Variants in PCNX3 observed in about 807,000 individuals in gnomAD.
The protein encoded by PCNX3 is pecanex 3.
PCNX3 carries 58 observed loss-of-function variants against 207.2 expected under a neutral mutation model. The ratio of observed to expected loss-of-function variants is 0.28; its 90% confidence interval spans 0.23 to 0.35. The LOEUF (loss-of-function observed/expected upper bound fraction) is 0.35. PCNX3 is among the 10% of genes least tolerant of loss of function. PCNX3 has a pLI of 1.00. For synonymous variants in PCNX3, 1,337 were observed against 1,183.5 expected, an observed-to-expected ratio of 1.13 and a Z score of -2.66; for missense variants, 2,410 against 2,774.4, an observed-to-expected ratio of 0.87 and a Z score of 2.95.
rs202094085 is a variant in PCNX3 at position 65,625,631 on chromosome 11, A to G, written c.3136-21A>G. On this transcript the variant is annotated intron_variant, in intron 18 of 34. Coordinates refer to ENST00000355703, the MANE Select transcript of PCNX3 (RefSeq NM_032223.4). The surrounding 1 kb of genome is among the most constrained non-coding windows in gnomAD (Gnocchi z 5.6). The stretch of plus-strand genomic sequence containing the variant: ...GTGTCTCTCCTGGCCGGGCAGCTGA[A>G]TGTCTCTCCTGGCCCTGCAGCGTGA... 1 of 1,604,954 alleles carries G rather than the reference A, an allele frequency of 6.2e-7. No individual in the cohort carries two copies. Among genetic ancestry groups the G allele is most frequent in the East Asian group, 2.2e-5 (1 of 44,768 alleles).
chr11:65,630,296 CAG>C (rs144247658), intron 26 of PCNX3, 53 bp from the exon 27 acceptor site: 48 of 1,576,000 alleles, frequency 3.0e-5, no homozygotes, highest in Non-Finnish European at 4.1e-5. Flanking sequence ...TCTCCCAGGA[CAG>C]GGCAGGTAGG....
intron 2 of PCNX3, 47 bp from the exon 3 acceptor site, chr11:65,617,203 C>T: frequency 1.3e-6 from 2 of 1,526,694 alleles, no homozygotes; most frequent in South Asian, 1.2e-5. Flanking sequence ...AAGTAGCATA[C>T]ACAGAGGAGA....
chr11:65,620,273 C>T, intron 8 of PCNX3, 66 bp from the exon 9 acceptor site: 1 of 1,475,226 alleles, frequency 6.8e-7, no homozygotes, highest in South Asian at 1.3e-5. Flanking sequence ...GTCTGGTGCC[C>T]ACGTGAGCCG....
Position 65,617,774 on chromosome 11 carries a change from C to T in PCNX3, c.577+68C>T, listed in dbSNP as rs140684670. The T allele has an allele frequency of 1.3e-4, 193 of 1,526,990 alleles. No individual in the cohort carries two copies. The African/African-American group carries it at 2.4e-3, about 19-fold the overall frequency. 94.6% of individuals were successfully genotyped at this position (1,526,990 alleles called of 1,614,324 possible). A position where few individuals can be genotyped will look rare whatever the true frequency, so the allele number is the denominator to read the frequency against. On this transcript the variant is annotated intron_variant, in intron 5 of 34. Transcript: ENST00000355703. The stretch of plus-strand genomic sequence containing the variant: ...CTGTTTCGTTGTTGAATCCCCTCAA[C>T]TTTGGCTCCATCCTGGGTCTCCTCT...
In PCNX3 at chr11:65,634,205, C is replaced by T. The variant is rs1403645777; in HGVS notation, c.4550C>T (p.Pro1517Leu). 1 of 1,613,558 alleles carries T rather than the reference C, an allele frequency of 6.2e-7. No homozygotes were observed. Among genetic ancestry groups the T allele is most frequent in the Admixed American group, 1.7e-5 (1 of 60,006 alleles). Residue 1517 changes from proline to leucine, a missense_variant, in exon 28 of 35, where the codon CCT (proline) becomes CTT (leucine). Around this residue, in one of 8 missense-constraint regions of PCNX3, gnomAD observed 420 missense variants for 705.3 expected, o/e 0.60. Coordinates refer to ENST00000355703, the MANE Select transcript of PCNX3 (RefSeq NM_032223.4). ...SHEGITAALRPVRVPGYADSD... is the reference protein window; with the variant it reads ...SHEGITAALRLVRVPGYADSD... Reference sequence around the variant, plus strand: ...GAGGGCATCACGGCAGCCCTGAGGCCTGTGCGGGTGCCCGGCTATGCCGAC... The same window carrying T: ...GAGGGCATCACGGCAGCCCTGAGGCTTGTGCGGGTGCCCGGCTATGCCGAC...
rs750980552 is a variant in PCNX3 at position 65,618,412 on chromosome 11, C to T, written c.1050C>T (p.Asp350=). The change falls in exon 6 of 35, where the codon GAC becomes GAT. Residue 350 remains aspartate, a synonymous_variant. Transcript: ENST00000355703. ...PSEAELPASP[D]AGVPSDDTLR... is the part of the protein sequence containing the mutation. ...AGGCTGAGCTGCCTGCCTCACCAGACGCCGGGGTCCCCTCAGATGACACGC... is the reference window on the plus strand; with the variant it reads ...AGGCTGAGCTGCCTGCCTCACCAGATGCCGGGGTCCCCTCAGATGACACGC... 33 of 1,612,492 alleles carry T rather than the reference C, an allele frequency of 2.0e-5. No individual in the cohort carries two copies. The highest frequency in any genetic ancestry group is 6.6e-5 in the South Asian group (6 of 91,066).
chr11:65,634,425 C>A, intron 28 of PCNX3, 69 bp downstream of exon 28: 1 of 1,509,878 alleles, frequency 6.6e-7, no homozygotes, highest in Non-Finnish European at 8.9e-7. Flanking sequence ...CCCCTTCTCC[C>A]CATTTGGTTT....
At position 65,635,159 on chromosome 11, in the gene PCNX3, G is replaced by T. The variant is rs748884540; in HGVS notation, c.4953+39G>T. On this transcript the variant is annotated intron_variant, in intron 30 of 34. Transcript: ENST00000355703. The surrounding 1 kb of genome is among the most constrained non-coding windows in gnomAD (Gnocchi z 9.9). ...GTGCCCAGCAGCATGGGCAGGTGGG[G>T]GATGAAGCCTCTCTCCAGGGCAGGG... The T allele has an allele frequency of 6.2e-7, 1 of 1,606,832 alleles. No homozygotes were observed. The highest frequency in any genetic ancestry group is 1.1e-5 in the South Asian group (1 of 90,488).
intron 21 of PCNX3, 122 bp from the exon 22 acceptor site, chr11:65,627,283 G>A (rs1406390409): frequency 1.1e-5 from 14 of 1,218,522 alleles, no homozygotes; most frequent in South Asian, 1.6e-5. Flanking sequence ...AAAGAGCAGG[G>A]ACCAGCCCAG....
chr11:65,622,274 C>G lies in PCNX3; in HGVS notation c.2265C>G (p.Pro755=). The change falls in exon 11 of 35, where the codon CCC becomes CCG. Residue 755 remains proline (P), a synonymous_variant. Coordinates refer to ENST00000355703, the MANE Select transcript of PCNX3 (RefSeq NM_032223.4). ...AGACACTGATGGAAGAAGCGCCACC[C>G]CGGGCCCAGCATAGTTACAAGTACT... ...EEQTLMEEAP[P]RAQHSYKYWL... is the part of the protein sequence containing the mutation. 6.2e-7 allele frequency: 1 copy of G among 1,602,006 alleles called. No homozygotes were observed.
chr11:65,620,882 T>C lies in PCNX3; in HGVS notation c.2151T>C (p.Ala717=). ...SSFHSADVPE[A]TGGLNLLQPR... ...TCCACTCGGCTGATGTCCCTGAGGCTACAGGCGGCCTGAACCTGCTGCAGC... is the reference window on the plus strand; with the variant it reads ...TCCACTCGGCTGATGTCCCTGAGGCCACAGGCGGCCTGAACCTGCTGCAGC... The change falls in exon 10 of 35, where the codon GCT becomes GCC. Residue 717 remains alanine (A), a synonymous_variant. Coordinates refer to ENST00000355703, the MANE Select transcript of PCNX3 (RefSeq NM_032223.4). 6.3e-7 allele frequency: 1 copy of C among 1,580,334 alleles called. No homozygotes were observed. Among genetic ancestry groups the C allele is most frequent in the Non-Finnish European group, 8.6e-7 (1 of 1,163,880 alleles).
chr11:65,618,755 C>T lies in PCNX3; in HGVS notation c.1393C>T (p.Pro465Ser), dbSNP rs770098473. 1.5e-5 allele frequency: 24 copies of T among 1,611,780 alleles called. No individual in the cohort carries two copies. In the East Asian group the frequency reaches 4.2e-4, roughly 28 times the overall value. Reference sequence around the variant, plus strand: ...GAGCTCCCGGGGTGCAGCAGGGGGACCCCGGAAGCGGAGGGCCCCCCATGG... The same window carrying T: ...GAGCTCCCGGGGTGCAGCAGGGGGATCCCGGAAGCGGAGGGCCCCCCATGG... Reference protein sequence around the residue: ...PESSRGAAGGPRKRRAPHGAE... With the variant: ...PESSRGAAGGSRKRRAPHGAE... The change falls in exon 6 of 35, where the codon CCC becomes TCC. Residue 465 changes from proline (P) to serine (S), a missense_variant. Coordinates refer to ENST00000355703, the MANE Select transcript of PCNX3 (RefSeq NM_032223.4).
intron 27 of PCNX3, among the ~76,000 whole-genome samples, chr11:65,633,651 T>C (rs1421839569): frequency 6.6e-6 from 1 of 152,168 alleles, no homozygotes; most frequent in Non-Finnish European, 1.5e-5. Context: ...GCACTGAAGG[T>C]TCACCTGAGG....
chr11:65,619,332 G>T, intron 6 of PCNX3: 6 of 627,506 alleles, frequency 9.6e-6, no homozygotes, highest in Non-Finnish European at 1.2e-5. Flanking sequence ...CCCACCACCA[G>T]TGGGGTGGGG....
At position 65,625,468 on chromosome 11, in the gene PCNX3, C is replaced by T. The variant is rs755263946; in HGVS notation, c.3093C>T (p.Ala1031=). The T allele has an allele frequency of 3.0e-5, 48 of 1,605,112 alleles. No homozygotes were observed. Among genetic ancestry groups the T allele is most frequent in the Non-Finnish European group, 3.6e-5 (42 of 1,179,124 alleles). Residue 1031 remains alanine (A), a synonymous_variant, in exon 18 of 35, where the codon GCC becomes GCT. Transcript: ENST00000355703. The surrounding 1 kb of genome is among the most constrained non-coding windows in gnomAD (Gnocchi z 5.6). ...LEERSLETAR[A]EPPDPLPDKM... is the part of the protein sequence containing the mutation. ...AGCGCAGCTTGGAGACAGCCCGGGC[C>T]GAGCCCCCGGACCCCTTGCCGGACA...
In PCNX3 at chr11:65,627,524, C is replaced by G; in HGVS notation, c.3644C>G (p.Pro1215Arg). 6.2e-7 allele frequency: 1 copy of G among 1,613,860 alleles called. No homozygotes were observed. Among genetic ancestry groups the G allele is most frequent in the Non-Finnish European group, 8.5e-7 (1 of 1,179,872 alleles). ...FTVLLFHFDYPRLSQGFLLDY... is the reference protein window; with the variant it reads ...FTVLLFHFDYRRLSQGFLLDY... ...GTCCTGCTCTTCCACTTTGACTACCCGCGCCTCTCCCAGGGCTTTCTGCTT... is the reference window on the plus strand; with the variant it reads ...GTCCTGCTCTTCCACTTTGACTACCGGCGCCTCTCCCAGGGCTTTCTGCTT... The change falls in exon 22 of 35, where the codon CCG becomes CGG. Residue 1215 changes from proline (P) to arginine (R), a missense_variant. Physicochemically the swap from Pro to Arg is moderately radical, Grantham distance 103. Transcript: ENST00000355703.
intron 24 of PCNX3, 141 bp from the exon 25 acceptor site, chr11:65,629,216 C>A: frequency 1.0e-6 from 1 of 991,962 alleles, no homozygotes; most frequent in Non-Finnish European, 1.5e-6. Context: ...CTTCATGTAC[C>A]TGAGCCTCAG....
At chr11:65,628,347 A>G (rs1464492797) in intron 22 of PCNX3, among the ~76,000 whole-genome samples, 1 of 152,214 alleles carries the variant, frequency 6.6e-6, no homozygotes, top group Non-Finnish European at 1.5e-5. Context: ...AGCAATAGGA[A>G]TAAGAAGCTC....
Position 65,634,175 on chromosome 11 carries a change from G to A in PCNX3, c.4520G>A (p.Ser1507Asn), listed in dbSNP as rs567048141. 1.2e-6 allele frequency: 2 copies of A among 1,613,546 alleles called. No homozygotes were observed. The highest frequency in any genetic ancestry group is 1.7e-5 in the Admixed American group (1 of 60,014). Residue 1507 changes from serine to asparagine, a missense_variant, in exon 28 of 35, where the codon AGC (serine) becomes AAC (asparagine). Transcript: ENST00000355703. ...TCACCAAAGCTGGAGGTGTGGCTCA[G>A]CCATGAGGGCATCACGGCAGCCCTG... ...SRSPKLEVWL[S>N]HEGITAALRP...
Sources: gnomAD v4.1 joint callset for allele counts (sites outside exome capture counted in the v4.1 genomes callset) on GRCh38, gnomAD v4.1.1 for gene constraint, gnomAD v4.1.1 regional missense constraint, Gnocchi (gnomAD v3.1) non-coding constraint, MANE v1.5 for transcripts, NCBI Gene and HGNC (gene_info 2026-07-23, HGNC 2026-07-21) for gene names.